The following RANBP9 variants were observed in gnomAD, a reference collection of about 807,000 sequenced individuals.
RANBP9 encodes RAN binding protein 9.
RANBP9 carries 15 observed loss-of-function variants against 84.3 expected under a neutral mutation model. The observed-to-expected ratio is 0.18, with a 90% CI of 0.12 to 0.27. The LOEUF (loss-of-function observed/expected upper bound fraction) is 0.27, where lower values mean the gene tolerates loss of function less well. Among genes scored for constraint, RANBP9 ranks in the 10% least tolerant of loss-of-function variants. The probability of loss-of-function intolerance (pLI) is 1.00; values close to 1 mark genes in which losing one functional copy is unlikely to be tolerated. For missense variants in RANBP9, 809 were observed against 912.8 expected, an observed-to-expected ratio of 0.89 and a Z score of 1.46; for synonymous variants, 392 against 349.6, an observed-to-expected ratio of 1.12 and a Z score of -1.35.
intron 2 of RANBP9, among the ~76,000 whole-genome samples, chr6:13,676,486 TAA>T (rs753615111): frequency 1.5e-4 from 23 of 151,760 alleles, no homozygotes; most frequent in Non-Finnish European, 3.2e-4. Flanking sequence ...CAAAACCAAA[TAA>T]AGACATTACA....
intron 2 of RANBP9, among the ~76,000 whole-genome samples, chr6:13,660,300 A>C (rs977495095): frequency 2.6e-5 from 4 of 152,180 alleles, no homozygotes; most frequent in African/African-American, 9.7e-5. Flanking sequence ...TTTGAGCCCA[A>C]GAATTCAAGA....
intron 2 of RANBP9, among the ~76,000 whole-genome samples, chr6:13,694,047 A>G (rs1220495249): frequency 6.6e-6 from 1 of 152,206 alleles, no homozygotes; most frequent in Non-Finnish European, 1.5e-5. Flanking sequence ...TGGCTCAGGA[A>G]AAAAACAAAA....
chr6:13,634,067 T>TA (rs1172307976), intron 11 of RANBP9, among the ~76,000 whole-genome samples: 4 of 151,820 alleles, frequency 2.6e-5, no homozygotes, highest in African/African-American at 7.3e-5. Flanking sequence ...TAGAAATTTG[T>TA]AAAATCATCT....
intron 2 of RANBP9, among the ~76,000 whole-genome samples, chr6:13,673,656 G>A (rs537158848): frequency 1.3e-5 from 2 of 152,304 alleles, no homozygotes; most frequent in East Asian, 1.9e-4. Flanking sequence ...CCTGCACTAT[G>A]TGTGAAGCAG....
At chr6:13,661,627 G>GA (rs1356066771) in intron 2 of RANBP9, among the ~76,000 whole-genome samples, 8 of 151,788 alleles carry the variant, frequency 5.3e-5, no homozygotes, top group South Asian at 2.1e-4. Flanking sequence ...TATACTAAAA[G>GA]AAAAAAACAT....
chr6:13,642,089 C>T (rs748036976), intron 7 of RANBP9, among the ~76,000 whole-genome samples: 21 of 152,190 alleles, frequency 1.4e-4, no homozygotes, highest in Non-Finnish European at 2.8e-4. Context: ...TGGATCAATA[C>T]TGTATTAGCC....
Position 13,696,849 on chromosome 6 carries a change from G to C in RANBP9, c.619C>G (p.Pro207Ala). The change falls in exon 2 of 14, where the codon CCA (proline) becomes GCA (alanine). Residue 207 changes from proline to alanine, a missense_variant. By Grantham distance (27) the Pro-to-Ala change is conservative. Around this residue, in one of 5 missense-constraint regions of RANBP9, gnomAD observed 56 missense variants for 88.2 expected, o/e 0.63. Transcript: ENST00000011619. Reference sequence around the variant, plus strand: ...TAAATCCCACAGGCTGCTGGTATTGGATGCGTGGCTCGAACTGACGCGGCA... The same window carrying C: ...TAAATCCCACAGGCTGCTGGTATTGCATGCGTGGCTCGAACTGACGCGGCA... ...KDAASVRATH[P>A]IPAACGIYYF... is the part of the protein sequence containing the mutation. 6.2e-7 allele frequency: 1 copy of C among 1,613,248 alleles called. No homozygotes were observed. Among genetic ancestry groups the C allele is most frequent in the Non-Finnish European group, 8.5e-7 (1 of 1,179,506 alleles).
In RANBP9 at chr6:13,706,603, G is replaced by A. The variant is rs549624601; in HGVS notation, c.571+4332C>T. Among the ~76,000 whole-genome samples, 15 of 147,716 alleles carry A rather than the reference G, an allele frequency of 1.0e-4. No individual in the cohort carries two copies. In the South Asian group the frequency reaches 2.8e-3, roughly 28 times the overall value. ...AGCTATTCAGGAGGCTGAGGCAGAA[G>A]AATTGCTTGAACCCGGGAGGCGGAG... On this transcript the variant is annotated intron_variant, in intron 1 of 13. Transcript: ENST00000011619.
chr6:13,624,182 C>G (rs1432217028), intron 13 of RANBP9, among the ~76,000 whole-genome samples: 1 of 152,192 alleles, frequency 6.6e-6, no homozygotes, highest in Non-Finnish European at 1.5e-5. Context: ...GAGGACACTA[C>G]TCCTATTCCC....
intron 4 of RANBP9, among the ~76,000 whole-genome samples, chr6:13,655,053 C>T (rs1008285540): frequency 5.9e-5 from 9 of 152,238 alleles, no homozygotes; most frequent in Non-Finnish European, 8.8e-5. Context: ...TGGCATAGGC[C>T]GGGAGTCAAT....
At chr6:13,622,768 G>A (rs984331711) in intron 13 of RANBP9, among the ~76,000 whole-genome samples, 2 of 152,186 alleles carry the variant, frequency 1.3e-5, no homozygotes, top group East Asian at 3.8e-4. Context: ...TATTAACTAT[G>A]ATGGGAAAGG....
chr6:13,651,172 G>T (rs1174001759), intron 5 of RANBP9, among the ~76,000 whole-genome samples: 1 of 151,942 alleles, frequency 6.6e-6, no homozygotes, highest in African/African-American at 2.4e-5. Flanking sequence ...GATAAGGGAG[G>T]CATTATGTCA....
chr6:13,679,257 C>A (rs951486812), intron 2 of RANBP9, among the ~76,000 whole-genome samples: 1 of 152,176 alleles, frequency 6.6e-6, no homozygotes, highest in Admixed American at 6.5e-5. Flanking sequence ...TCTCCCATTA[C>A]CTCTCGAAGA....
rs562517476 is a variant in RANBP9, at chr6:13,622,414, C to G, written c.2138G>C (p.Arg713Pro). ...AAATGCGCAGGATCCAATTCCTGATCGAGCCATCAGTCCTAGACATTGTGT... is the reference window on the plus strand; with the variant it reads ...AAATGCGCAGGATCCAATTCCTGATGGAGCCATCAGTCCTAGACATTGTGT... ...QATQCLGLMA[R>P]SGIGSCAFAT... The change falls in exon 14 of 14, where the codon CGA becomes CCA. Residue 713 changes from arginine to proline, a missense_variant. Physicochemically the swap from Arg to Pro is moderately radical, Grantham distance 103. Transcript: ENST00000011619. 2 of 1,600,334 alleles carry G rather than the reference C, an allele frequency of 1.2e-6. No homozygotes were observed. The highest frequency in any genetic ancestry group is 1.7e-6 in the Non-Finnish European group (2 of 1,172,908).
At position 13,622,210 on chromosome 6, in the gene RANBP9, G is replaced by A; in HGVS notation, c.*152C>T. ...CTAACACTAAGTTAGAAAATCATTT[G>A]CATCATGCTGTAAACTAGGAAGCAA... On this transcript the variant is annotated 3_prime_UTR_variant, in exon 14 of 14. Transcript: ENST00000011619. 1.4e-6 allele frequency: 1 copy of A among 692,972 alleles called. No homozygotes were observed. The highest frequency in any genetic ancestry group is 2.1e-6 in the Non-Finnish European group (1 of 487,682). 42.9% of individuals were successfully genotyped at this position (692,972 alleles called of 1,614,324 possible).
chr6:13,644,821 A>C (rs1765145538), intron 5 of RANBP9, 92 bp from the exon 6 acceptor site: 2 of 1,015,552 alleles, frequency 2.0e-6, no homozygotes, highest in Admixed American at 6.7e-5. Flanking sequence ...TAGAACTATA[A>C]ATTTACTTCA....
At chr6:13,637,155 G>C (rs1412853923) in intron 10 of RANBP9, among the ~76,000 whole-genome samples, 1 of 152,060 alleles carries the variant, frequency 6.6e-6, no homozygotes, top group African/African-American at 2.4e-5. Flanking sequence ...AGTATATCAA[G>C]GGTCATAGTA....
chr6:13,636,761 C>T (rs149743926), intron 10 of RANBP9, among the ~76,000 whole-genome samples: 2,002 of 152,310 alleles, frequency 0.013, 47 homozygotes, highest in African/African-American at 0.046. Context: ...TTCTCCATTA[C>T]AACTTATATC....
chr6:13,658,319 G>T (rs568307766), intron 3 of RANBP9, among the ~76,000 whole-genome samples: 5 of 152,138 alleles, frequency 3.3e-5, no homozygotes, highest in African/African-American at 7.2e-5. Flanking sequence ...ATTAAAAACC[G>T]CTCAGCAGGC....
Sources: gnomAD v4.1 joint callset for allele counts (sites outside exome capture counted in the v4.1 genomes callset) on GRCh38, gnomAD v4.1.1 for gene constraint, gnomAD v4.1.1 regional missense constraint, MANE v1.5 for transcripts, NCBI Gene and HGNC (gene_info 2026-07-23, HGNC 2026-07-21) for gene names.